Variants in LPP observed in about 807,000 individuals in gnomAD.
LPP encodes the protein lipoma-preferred partner.
A neutral mutation model predicts 60.4 loss-of-function variants in LPP; 38 were observed. The observed-to-expected ratio is 0.63, with a 90% CI of 0.49 to 0.83. The LOEUF is 0.83. LPP is among the 40% of genes least tolerant of loss of function. The pLI is 0.00. For synonymous variants in LPP, 328 were observed against 290.8 expected, an observed-to-expected ratio of 1.13 and a Z score of -1.30; for missense variants, 902 against 783.6, an observed-to-expected ratio of 1.15 and a Z score of -1.80.
Position 188,157,443 on chromosome 3 carries a change from G to T in LPP, c.-190+3191G>T, listed in dbSNP as rs781247255. The stretch of plus-strand genomic sequence containing the variant: ...TTTCAGAACTATGCTGAAGATGCTG[G>T]ATGATGGGGATTTTGTACACGGGTA... On this transcript the variant is annotated intron_variant, in intron 1 of 11. Transcript: ENST00000617246. 3.7e-4 allele frequency among the ~76,000 whole-genome samples: 57 copies of T among 152,158 alleles called. 1 individual carries two copies. The highest frequency in any genetic ancestry group is 7.5e-4 in the Non-Finnish European group (51 of 68,028).
At chr3:188,703,435 A>T (rs1277076552) in intron 7 of LPP, among the ~76,000 whole-genome samples, 1 of 152,194 alleles carries the variant, frequency 6.6e-6, no homozygotes, top group Non-Finnish European at 1.5e-5. Context: ...AGGCTCGAAC[A>T]CTGAAAGTTT....
At chr3:188,202,308 C>T (rs1382217582) in intron 1 of LPP, among the ~76,000 whole-genome samples, 1 of 152,128 alleles carries the variant, frequency 6.6e-6, no homozygotes, top group Non-Finnish European at 1.5e-5. Context: ...AGGGCCCTGG[C>T]AGCCAGCATT....
At chr3:188,824,913 G>T (rs909859220) in intron 9 of LPP, among the ~76,000 whole-genome samples, 1 of 152,148 alleles carries the variant, frequency 6.6e-6, no homozygotes, top group African/African-American at 2.4e-5. Context: ...AGTAGGGTGG[G>T]ATATTGGTGC....
rs1375602680 is a variant in LPP at position 188,756,671 on chromosome 3, A to G, written c.1241-3442A>G. 3.3e-5 allele frequency among the ~76,000 whole-genome samples: 5 copies of G among 152,050 alleles called. No individual in the cohort carries two copies. In the East Asian group the frequency reaches 9.6e-4, roughly 29 times the overall value. On this transcript the variant is annotated intron_variant, in intron 8 of 11. Transcript: ENST00000617246. ...TTCAGGTACCTTTTCTGTCCTACTG[A>G]TGTGTGGGGCTATTTTTATGTTTTG...
chr3:188,636,993 C>T (rs1195841991), intron 7 of LPP, among the ~76,000 whole-genome samples: 1 of 144,690 alleles, frequency 6.9e-6, no homozygotes, highest in Non-Finnish European at 1.5e-5. Flanking sequence ...GAATTGAACT[C>T]AGCTCTGCAC....
At position 188,679,519 on chromosome 3, in the gene LPP, C is replaced by CTGTG. The variant is rs56733573; in HGVS notation, c.1114-28707_1114-28704dup. ...TTAGTTTGCCAAAACTTTGAATACT[C>CTGTG]TGTGTGTGTGTGTGTGTGTGTGTGT... On this transcript the variant is annotated intron_variant, in intron 7 of 11. Coordinates refer to ENST00000617246, the MANE Select transcript of LPP (RefSeq NM_001375462.1). Among the ~76,000 whole-genome samples the CTGTG allele has an allele frequency of 5.3e-3, 760 of 143,178 alleles. 10 individuals are homozygous for CTGTG. The highest frequency in any genetic ancestry group is 0.018 in the African/African-American group (698 of 38,282). 93.9% of individuals were successfully genotyped at this position (143,178 alleles called of 152,430 possible).
intron 2 of LPP, among the ~76,000 whole-genome samples, chr3:188,339,508 G>C (rs1651492231): frequency 6.6e-6 from 1 of 152,160 alleles, no homozygotes; most frequent in Non-Finnish European, 1.5e-5. Flanking sequence ...TTGCTGGGGA[G>C]GCCTCAGGAA....
At chr3:188,687,773 C>CT (rs1861120756) in intron 7 of LPP, among the ~76,000 whole-genome samples, 1 of 115,438 alleles carries the variant, frequency 8.7e-6, no homozygotes, top group Non-Finnish European at 1.9e-5. Flanking sequence ...CTGTCTTATA[C>CT]TCTTTTTTTT....
rs1412182482 is a variant in LPP at position 188,609,457 on chromosome 3, A to C, written c.726A>C (p.Gln242His). 4.3e-6 allele frequency: 7 copies of C among 1,613,998 alleles called. No individual in the cohort carries two copies. The highest frequency in any genetic ancestry group is 1.3e-5 in the African/African-American group (1 of 74,906). Residue 242 changes from glutamine to histidine, a missense_variant, in exon 7 of 12, where the codon CAA becomes CAC. Gln to His is a conservative substitution (Grantham distance 24). Coordinates refer to ENST00000617246, the MANE Select transcript of LPP (RefSeq NM_001375462.1). The surrounding 1 kb of genome is among the most constrained non-coding windows in gnomAD (Gnocchi z 6.9). ...ATATGGCTGCCCCTTCATCAGGACA[A>C]ATTTATGGCTCAGGGCCCCAGGGCT... ...PHYMAAPSSG[Q>H]IYGSGPQGYN...
intron 4 of LPP, among the ~76,000 whole-genome samples, chr3:188,431,311 C>A (rs1270416503): frequency 6.6e-6 from 1 of 152,000 alleles, no homozygotes; most frequent in African/African-American, 2.4e-5. Flanking sequence ...AAAGGCAAAG[C>A]TAGAGTCACC....
At chr3:188,153,575 C>T (rs1049895466), upstream of LPP, 3 of 152,386 alleles carry the variant, frequency 2.0e-5, no homozygotes, top group Non-Finnish European at 2.9e-5. Flanking sequence ...GCAAAGTCTC[C>T]ACATCTCCCT....
chr3:188,269,997 G>GTTTCT lies in LPP; in HGVS notation c.-67+44488_-67+44492dup, dbSNP rs757676442. 4.4e-4 allele frequency among the ~76,000 whole-genome samples: 53 copies of GTTTCT among 119,736 alleles called. 2 individuals are homozygous for GTTTCT. In the South Asian group the frequency reaches 6.1e-3, roughly 14 times the overall value. 78.6% of individuals were successfully genotyped at this position (119,736 alleles called of 152,430 possible). Reference sequence around the variant, plus strand: ...TTTTCTTTTCTTTTCTTTTCTTATCGTTTCTTTTCTTTTCTTTTCTTTAGG... The same window carrying GTTTCT: ...TTTTCTTTTCTTTTCTTTTCTTATCGTTTCTTTTCTTTTCTTTTCTTTTCTTTAGG... On this transcript the variant is annotated intron_variant, in intron 2 of 11. Transcript: ENST00000617246.
intron 9 of LPP, among the ~76,000 whole-genome samples, chr3:188,805,952 T>A (rs1748997349): frequency 6.6e-6 from 1 of 151,932 alleles, no homozygotes; most frequent in East Asian, 1.9e-4. Context: ...TTTGTGTAAC[T>A]TAAATTCATC....
At chr3:188,639,308 G>C (rs1214322289) in intron 7 of LPP, among the ~76,000 whole-genome samples, 1 of 149,406 alleles carries the variant, frequency 6.7e-6, no homozygotes, top group Non-Finnish European at 1.5e-5. Flanking sequence ...AAACTGGCTA[G>C]CCATATGTAG....
Position 188,556,749 on chromosome 3 carries a change from G to A in LPP, c.429+31962G>A, listed in dbSNP as rs377209073. On this transcript the variant is annotated intron_variant, in intron 6 of 11. Transcript: ENST00000617246. ...TCATATCTTAGAACCTTATGCAAGGGTTGGCACTTTTGGCACTTCAGGCTT... is the reference window on the plus strand; with the variant it reads ...TCATATCTTAGAACCTTATGCAAGGATTGGCACTTTTGGCACTTCAGGCTT... Among the ~76,000 whole-genome samples the A allele has an allele frequency of 1.3e-4, 20 of 149,274 alleles. No homozygotes were observed. In the South Asian group the frequency reaches 4.1e-3, roughly 31 times the overall value.
At chr3:188,792,993 C>T (rs1312113945) in intron 9 of LPP, among the ~76,000 whole-genome samples, 2 of 152,064 alleles carry the variant, frequency 1.3e-5, no homozygotes, top group East Asian at 3.9e-4. Context: ...CAGGGCCGTG[C>T]ACTGCGAGTC....
At chr3:188,370,300 G>T (rs988988745) in intron 3 of LPP, among the ~76,000 whole-genome samples, 2 of 152,134 alleles carry the variant, frequency 1.3e-5, no homozygotes, top group African/African-American at 2.4e-5. Flanking sequence ...TATACAGAGA[G>T]CTCATGTAAA....
chr3:188,398,235 A>C (rs1781419825), intron 3 of LPP, among the ~76,000 whole-genome samples: 1 of 152,218 alleles, frequency 6.6e-6, no homozygotes, highest in Non-Finnish European at 1.5e-5. Flanking sequence ...TCATGGAAAC[A>C]TGAGAGTTAG....
chr3:188,789,937 A>G (rs929765887), intron 9 of LPP, among the ~76,000 whole-genome samples: 1 of 152,224 alleles, frequency 6.6e-6, no homozygotes, highest in East Asian at 1.9e-4. Flanking sequence ...TATGGGAAGC[A>G]TGTACTCACA....
Sources: allele counts gnomAD v4.1 joint callset (sites outside exome capture counted in the v4.1 genomes callset), GRCh38; gene constraint gnomAD v4.1.1; non-coding constraint Gnocchi (gnomAD v3.1); transcripts MANE v1.5; gene names NCBI Gene and HGNC (gene_info 2026-07-23, HGNC 2026-07-21).